The following RGP1 variants were observed in gnomAD, a reference collection of about 807,000 sequenced individuals.
RGP1 encodes the protein RGP1 partner of RAB6A GEF complex, also known as RAB6A-GEF complex partner protein 2.
In RGP1, 28 loss-of-function variants were observed where a neutral mutation model predicts 44.5. The ratio of observed to expected loss-of-function variants is 0.63; its 90% confidence interval spans 0.47 to 0.86. The LOEUF is 0.86. Ranked by LOEUF, RGP1 falls within the 40% of genes least tolerant of loss-of-function variation. The pLI, the probability that RGP1 is intolerant of heterozygous loss-of-function variation, is 0.00. For missense variants in RGP1, 417 were observed against 490.7 expected, an observed-to-expected ratio of 0.85 and a Z score of 1.42; for synonymous variants, 212 against 196.7, an observed-to-expected ratio of 1.08 and a Z score of -0.65.
downstream of RGP1, among the ~76,000 whole-genome samples, chr9:35,763,267 T>G (rs987373920): frequency 6.6e-6 from 1 of 152,226 alleles, no homozygotes; most frequent in Non-Finnish European, 1.5e-5. Flanking sequence ...CTTAGAACTT[T>G]TCAGGCTAAC....
At chr9:35,775,061 C>G in the RGP1 span, among the ~76,000 whole-genome samples, 3 of 152,222 alleles carry the variant, frequency 2.0e-5, no homozygotes, top group Admixed American at 6.5e-5. Context: ...CTCTTCACTC[C>G]TCTATATTAC....
rs1314725120 is a variant in RGP1 at position 35,753,612 on chromosome 9, A to G, written c.*738A>G. 1 of 1,464,036 alleles carries G rather than the reference A, an allele frequency of 6.8e-7. No individual in the cohort carries two copies. Among genetic ancestry groups the G allele is most frequent in the Admixed American group, 1.7e-5 (1 of 57,378 alleles). 90.7% of individuals were successfully genotyped at this position (1,464,036 alleles called of 1,614,324 possible). A position where few individuals can be genotyped will look rare whatever the true frequency, so the allele number is the denominator to read the frequency against. ...TCTAGTCACTCCCTGGTCATCCCTC[A>G]GTCACTCATATCAGAGTCATTCTCT... is the stretch of plus-strand genomic sequence containing the variant. On this transcript the variant is annotated 3_prime_UTR_variant, in exon 9 of 9. Coordinates refer to ENST00000378078, the MANE Select transcript of RGP1 (RefSeq NM_001080496.3). The surrounding 1 kb of genome is among the most constrained non-coding windows in gnomAD (Gnocchi z 4.2).
At position 35,750,833 on chromosome 9, in the gene RGP1, C is replaced by A. The variant is rs770799781; in HGVS notation, c.338-7C>A. 1 of 1,613,948 alleles carries A rather than the reference C, an allele frequency of 6.2e-7. No individual in the cohort carries two copies. Among genetic ancestry groups the A allele is most frequent in the Non-Finnish European group, 8.5e-7 (1 of 1,179,852 alleles). On this transcript the variant is annotated splice_region_variant and splice_polypyrimidine_tract_variant and intron_variant, in intron 4 of 8. Coordinates refer to ENST00000378078, the MANE Select transcript of RGP1 (RefSeq NM_001080496.3). The stretch of plus-strand genomic sequence containing the variant: ...TCTGGCTGTCCTGACAACTACTTCC[C>A]AACCAGACTCCTACAGTGAAGTGCT...
the RGP1 span, among the ~76,000 whole-genome samples, chr9:35,772,666 C>T: frequency 6.6e-6 from 1 of 151,910 alleles, no homozygotes. Flanking sequence ...TGGCGGGCGC[C>T]TGTAGTTCCA....
At chr9:35,752,287 C>A (rs1277388655) in intron 8 of RGP1, 142 bp downstream of exon 8, 1 of 834,328 alleles carries the variant, frequency 1.2e-6, no homozygotes, top group Non-Finnish European at 1.8e-6. Flanking sequence ...GTTTCTCAGA[C>A]CTTCAACCTC....
chr9:35,777,865 T>C, the RGP1 span, among the ~76,000 whole-genome samples: 6 of 152,332 alleles, frequency 3.9e-5, no homozygotes, highest in South Asian at 1.2e-3. Flanking sequence ...TGAGGTCCCA[T>C]TGCCATCCTT....
At position 35,750,677 on chromosome 9, in the gene RGP1, C is replaced by T; in HGVS notation, c.273C>T (p.Ile91=). ...TTTCAGGTGAGAGGGGCCAGTGTAT[C>T]CTTTCTACTCCACCGAAAATTCTAT... ...LPHRGERGQC[I]LSTPPKILFC... The change falls in exon 4 of 9, where the codon ATC becomes ATT. Residue 91 remains isoleucine (I), a synonymous_variant. Transcript: ENST00000378078. 6.2e-7 allele frequency: 1 copy of T among 1,613,942 alleles called. No individual in the cohort carries two copies. Among genetic ancestry groups the T allele is most frequent in the South Asian group, 1.1e-5 (1 of 91,072 alleles).
At chr9:35,777,445 G>GT in the RGP1 span, among the ~76,000 whole-genome samples, 228 of 140,996 alleles carry the variant, frequency 1.6e-3, no homozygotes, top group Middle Eastern at 0.011. Context: ...ATGTTTTGTG[G>GT]TTTTTTTTTT....
the RGP1 span, among the ~76,000 whole-genome samples, chr9:35,763,868 T>TG: frequency 1.3e-4 from 14 of 111,860 alleles, no homozygotes; most frequent in Non-Finnish European, 2.4e-4. Context: ...GGCAACAGAG[T>TG]GAGACTCCAT....
the RGP1 span, among the ~76,000 whole-genome samples, chr9:35,783,631 T>C: frequency 6.6e-6 from 1 of 152,216 alleles, no homozygotes; most frequent in Non-Finnish European, 1.5e-5. Context: ...ATTCATTCTT[T>C]TTTATGGCTG....
At position 35,752,117 on chromosome 9, in the gene RGP1, C is replaced by T. The variant is rs764510549; in HGVS notation, c.924C>T (p.Ser308=). Reference sequence around the variant, plus strand: ...GCTTCTCCCTCCCAATCCCTCTCAGCTCCACCCCAGGCTTCTGTACAGCCA... The same window carrying T: ...GCTTCTCCCTCCCAATCCCTCTCAGTTCCACCCCAGGCTTCTGTACAGCCA... The part of the protein sequence containing the change: ...RTSFSLPIPL[S]STPGFCTAIV... Residue 308 remains serine (S), a synonymous_variant, in exon 8 of 9, where the codon AGC becomes AGT. Coordinates refer to ENST00000378078, the MANE Select transcript of RGP1 (RefSeq NM_001080496.3). 1 of 1,583,506 alleles carries T rather than the reference C, an allele frequency of 6.3e-7. No individual in the cohort carries two copies. Among genetic ancestry groups the T allele is most frequent in the Admixed American group, 1.8e-5 (1 of 56,220 alleles).
At chr9:35,777,070 A>G in the RGP1 span, among the ~76,000 whole-genome samples, 2 of 150,370 alleles carry the variant, frequency 1.3e-5, no homozygotes, top group Admixed American at 1.3e-4. Context: ...TACCCCAACC[A>G]ATCTTAGCTT....
At chr9:35,783,508 A>G in the RGP1 span, among the ~76,000 whole-genome samples, 3 of 149,396 alleles carry the variant, frequency 2.0e-5, no homozygotes, top group Non-Finnish European at 4.4e-5. Flanking sequence ...CAATTATTCT[A>G]CTCTGTACTT....
chr9:35,766,717 G>A, the RGP1 span, among the ~76,000 whole-genome samples: 1 of 152,164 alleles, frequency 6.6e-6, no homozygotes, highest in African/African-American at 2.4e-5. Flanking sequence ...GAAGAATCTG[G>A]AATAAAGATG....
the RGP1 span, among the ~76,000 whole-genome samples, chr9:35,765,755 C>T: frequency 1.7e-4 from 26 of 151,858 alleles, no homozygotes; most frequent in South Asian, 5.4e-3. Context: ...GTACCATTTT[C>T]CACTTACCAG....
the RGP1 span, among the ~76,000 whole-genome samples, chr9:35,780,116 T>C: frequency 6.6e-6 from 1 of 152,182 alleles, no homozygotes; most frequent in Non-Finnish European, 1.5e-5. Flanking sequence ...AACTACCTTG[T>C]TAAATAAAAA....
chr9:35,750,996 A>C lies in RGP1; in HGVS notation c.487+7A>C. 6.2e-7 allele frequency: 1 copy of C among 1,613,278 alleles called. No homozygotes were observed. Among genetic ancestry groups the C allele is most frequent in the Non-Finnish European group, 8.5e-7 (1 of 1,179,800 alleles). ...AGGGTTCTTGTGCTGACTGGTAAGC[A>C]AGGGCTCCTGGAGGGAAGGGCTGGG... On this transcript the variant is annotated splice_region_variant and intron_variant, in intron 5 of 8. Coordinates refer to ENST00000378078, the MANE Select transcript of RGP1 (RefSeq NM_001080496.3).
the RGP1 span, among the ~76,000 whole-genome samples, chr9:35,782,892 T>C: frequency 6.7e-5 from 10 of 149,504 alleles, no homozygotes; most frequent in African/African-American, 2.5e-4. Context: ...CACTGCAACC[T>C]CCCCCTCCCC....
intron 7 of RGP1, 25 bp from the exon 8 acceptor site, chr9:35,751,931 G>T: frequency 6.4e-7 from 1 of 1,561,506 alleles, no homozygotes; most frequent in East Asian, 2.3e-5. Flanking sequence ...CTTCCTGTTA[G>T]CACACACCTG....
Sources: allele counts gnomAD v4.1 joint callset (sites outside exome capture counted in the v4.1 genomes callset), GRCh38; gene constraint gnomAD v4.1.1; non-coding constraint Gnocchi (gnomAD v3.1); transcripts MANE v1.5; gene names NCBI Gene and HGNC (gene_info 2026-07-23, HGNC 2026-07-21).